REXO5: variants seen among roughly 807,000 people sequenced by gnomAD.
REXO5 encodes the protein exonuclease NEF-sp.
A neutral mutation model predicts 88.5 loss-of-function variants in REXO5; 48 were observed. The observed-to-expected ratio is 0.54, with a 90% CI of 0.43 to 0.69. REXO5 has a LOEUF of 0.69. REXO5 is among the 30% of genes least tolerant of loss of function. REXO5 has a pLI of 0.00. For missense variants in REXO5, 749 were observed against 912.2 expected, an observed-to-expected ratio of 0.82 and a Z score of 2.30; for synonymous variants, 311 against 336.5, an observed-to-expected ratio of 0.92 and a Z score of 0.83.
intron 12 of REXO5, among the ~76,000 whole-genome samples, chr16:20,832,747 T>C (rs541713313): frequency 5.9e-5 from 9 of 152,332 alleles, no homozygotes; most frequent in Non-Finnish European, 1.0e-4. Flanking sequence ...CCTTCCTCTC[T>C]CTATTGAAGC....
At chr16:20,833,255 C>T in intron 13 of REXO5, 132 bp downstream of exon 13, 2 of 947,858 alleles carry the variant, frequency 2.1e-6, no homozygotes, top group Admixed American at 2.8e-5. Context: ...GCTTGTGTCT[C>T]ACATCTTGTA....
In REXO5 at chr16:20,848,270, AG is replaced by A. The variant is rs560447188; in HGVS notation, c.2244-1128del. 3.5e-4 allele frequency among the ~76,000 whole-genome samples: 53 copies of A among 152,314 alleles called. No individual in the cohort carries two copies. In the East Asian group the frequency reaches 9.3e-3, roughly 27 times the overall value. On this transcript the variant is annotated intron_variant, in intron 19 of 19. Coordinates refer to ENST00000261377, the MANE Select transcript of REXO5 (RefSeq NM_030941.3). ...GGAAAAAAGGAATAGCAAAAACAAT[AG>A]AAGGTTTCCTTAGGCTGGGGTCTTG...
At chr16:20,846,392 G>A (rs2152513561) in intron 19 of REXO5, 53 bp downstream of exon 19, 5 of 1,361,592 alleles carry the variant, frequency 3.7e-6, no homozygotes, top group Non-Finnish European at 4.2e-6. Flanking sequence ...GATTTCAGCT[G>A]TTCTTAGAGA....
intron 3 of REXO5, among the ~76,000 whole-genome samples, chr16:20,814,215 A>G (rs1015871569): frequency 9.9e-5 from 15 of 151,742 alleles, no homozygotes; most frequent in Admixed American, 8.6e-4. Context: ...AGTCTTATTT[A>G]CAAAAATGGG....
At chr16:20,833,256 A>G in intron 13 of REXO5, 133 bp downstream of exon 13, 2 of 940,454 alleles carry the variant, frequency 2.1e-6, no homozygotes, top group Non-Finnish European at 3.0e-6. Flanking sequence ...CTTGTGTCTC[A>G]CATCTTGTAT....
intron 19 of REXO5, among the ~76,000 whole-genome samples, chr16:20,847,371 G>A (rs1567414461): frequency 6.6e-6 from 1 of 151,512 alleles, no homozygotes; most frequent in African/African-American, 2.4e-5. Flanking sequence ...AGGGGGCAGA[G>A]GTTGCAGTGA....
chr16:20,834,899 C>T (rs1345561571), intron 13 of REXO5, among the ~76,000 whole-genome samples: 1 of 152,164 alleles, frequency 6.6e-6, no homozygotes, highest in African/African-American at 2.4e-5. Context: ...TAACATCCTT[C>T]TCTATTAATT....
chr16:20,839,114 G>A (rs143878809), intron 13 of REXO5, among the ~76,000 whole-genome samples: 1 of 152,298 alleles, frequency 6.6e-6, no homozygotes, highest in Non-Finnish European at 1.5e-5. Context: ...GTGTGGTGTT[G>A]AGGGAAGGGA....
intron 15 of REXO5, among the ~76,000 whole-genome samples, chr16:20,842,504 G>T (rs1254610352): frequency 3.4e-5 from 5 of 147,522 alleles, no homozygotes; most frequent in African/African-American, 1.0e-4. Flanking sequence ...TTTGAGATAG[G>T]GTCTTGCTCA....
chr16:20,827,484 A>G (rs1315339454), intron 10 of REXO5, 37 bp downstream of exon 10: 2 of 1,449,366 alleles, frequency 1.4e-6, no homozygotes, highest in South Asian at 1.2e-5. Context: ...TGTTCTGACA[A>G]ACTGCATACA....
chr16:20,834,333 C>A (rs1000766602), intron 13 of REXO5, among the ~76,000 whole-genome samples: 6 of 152,136 alleles, frequency 3.9e-5, no homozygotes, highest in South Asian at 4.1e-4. Context: ...TAAGAACATG[C>A]CAGTATCGCT....
At chr16:20,845,433 T>C (rs2081593077) in intron 18 of REXO5, among the ~76,000 whole-genome samples, 192 bp downstream of exon 18, 1 of 152,028 alleles carries the variant, frequency 6.6e-6, no homozygotes, top group Admixed American at 6.6e-5. Context: ...CTAAACTTAG[T>C]TTTTTAGTCT....
At chr16:20,847,986 A>C (rs1369167814) in intron 19 of REXO5, among the ~76,000 whole-genome samples, 1 of 152,234 alleles carries the variant, frequency 6.6e-6, no homozygotes, top group African/African-American at 2.4e-5. Context: ...TTAAGTTGTG[A>C]CTGAGACAAA....
chr16:20,831,273 A>G (rs149545243), intron 11 of REXO5, among the ~76,000 whole-genome samples: 2 of 152,192 alleles, frequency 1.3e-5, no homozygotes, highest in Non-Finnish European at 2.9e-5. Context: ...TTTCACATTC[A>G]GTCTGTTATG....
At chr16:20,814,647 T>C (rs954638436) in intron 3 of REXO5, among the ~76,000 whole-genome samples, 1 of 152,226 alleles carries the variant, frequency 6.6e-6, no homozygotes, top group Non-Finnish European at 1.5e-5. Context: ...TTAGTTCTGA[T>C]TCCAAACAAA....
chr16:20,813,125 A>G, intron 2 of REXO5, 65 bp from the exon 3 acceptor site: 1 of 1,051,552 alleles, frequency 9.5e-7, no homozygotes, highest in South Asian at 1.3e-5. Flanking sequence ...AGAATAATTT[A>G]ACTTGCTTTG....
In REXO5 at chr16:20,849,396, C is replaced by T; in HGVS notation, c.2244-3C>T. 6.2e-7 allele frequency: 1 copy of T among 1,611,986 alleles called. No individual in the cohort carries two copies. Among genetic ancestry groups the T allele is most frequent in the Non-Finnish European group, 8.5e-7 (1 of 1,178,218 alleles). On this transcript the variant is annotated splice_region_variant and splice_polypyrimidine_tract_variant and intron_variant, in intron 19 of 19. Transcript: ENST00000261377. ...ACATACCTTTGTTTCTTATTTATTG[C>T]AGCACTCATGGTTCACTCTCTGGTC...
intron 13 of REXO5, among the ~76,000 whole-genome samples, chr16:20,837,253 A>G (rs2081446328): frequency 6.6e-6 from 1 of 152,080 alleles, no homozygotes; most frequent in African/African-American, 2.4e-5. Flanking sequence ...CTGAGGATTT[A>G]TTTTTCCCGT....
At chr16:20,828,118 G>A (rs2081285762) in intron 10 of REXO5, among the ~76,000 whole-genome samples, 1 of 152,104 alleles carries the variant, frequency 6.6e-6, no homozygotes, top group Non-Finnish European at 1.5e-5. Context: ...TTAAACAATG[G>A]TTAGATCTGA....
Sources: gnomAD v4.1 joint callset for allele counts (sites outside exome capture counted in the v4.1 genomes callset) on GRCh38, gnomAD v4.1.1 for gene constraint, MANE v1.5 for transcripts, NCBI Gene and HGNC (gene_info 2026-07-23, HGNC 2026-07-21) for gene names.